DTWD2: variants seen among roughly 807,000 people sequenced by gnomAD.
DTWD2 encodes tRNA-uridine aminocarboxypropyltransferase 2.
In DTWD2, 39 loss-of-function variants were observed where a neutral mutation model predicts 31.8. The ratio of observed to expected loss-of-function variants is 1.22; its 90% CI spans 0.95 to 1.60. The LOEUF is 1.60. DTWD2 is among the 40% of genes most tolerant of loss of function. DTWD2 has a pLI of 0.00. For synonymous variants in DTWD2, 180 were observed against 142.8 expected (o/e 1.26, Z -1.86); for missense variants, 515 against 381.5 (o/e 1.35, Z -2.92).
intron 4 of DTWD2, among the ~76,000 whole-genome samples, chr5:118,925,129 C>G (rs1753781714): frequency 6.6e-6 from 1 of 152,154 alleles, no homozygotes. Flanking sequence ...TTATTCTTCA[C>G]TAAGTGTATG....
At chr5:118,863,818 A>G (rs1161775542) in intron 4 of DTWD2, among the ~76,000 whole-genome samples, 1 of 152,106 alleles carries the variant, frequency 6.6e-6, no homozygotes, top group Non-Finnish European at 1.5e-5. Flanking sequence ...AGTATATATA[A>G]TAGTTCCTGT....
intron 4 of DTWD2, among the ~76,000 whole-genome samples, chr5:118,875,853 G>A (rs866299873): frequency 6.6e-6 from 1 of 152,172 alleles, no homozygotes; most frequent in South Asian, 2.1e-4. Flanking sequence ...GCACTGGATC[G>A]AACGGACCCA....
At chr5:118,924,709 G>C (rs1191815352) in intron 4 of DTWD2, among the ~76,000 whole-genome samples, 3 of 152,104 alleles carry the variant, frequency 2.0e-5, no homozygotes, top group African/African-American at 7.2e-5. Context: ...CACTACAATT[G>C]CCACTATCAT....
At chr5:118,936,726 A>C (rs1401331150) in intron 3 of DTWD2, among the ~76,000 whole-genome samples, 1 of 152,088 alleles carries the variant, frequency 6.6e-6, no homozygotes, top group African/African-American at 2.4e-5. Context: ...AAAAAGAAAA[A>C]AGAGAAATTA....
chr5:118,866,348 G>A (rs1401255836), intron 4 of DTWD2, among the ~76,000 whole-genome samples: 1 of 152,006 alleles, frequency 6.6e-6, no homozygotes, highest in African/African-American at 2.4e-5. Flanking sequence ...TCTACAGACA[G>A]CATACTAGTG....
chr5:118,861,658 T>C lies in DTWD2; in HGVS notation c.598-13440A>G, dbSNP rs555078632. ...ATAAACATTTATTGAGTACCAACTA[T>C]GTGCCTGGTACCTAGAAAAGAGACT... On this transcript the variant is annotated intron_variant, in intron 4 of 5. Coordinates refer to ENST00000510708, the MANE Select transcript of DTWD2 (RefSeq NM_173666.4). Among the ~76,000 whole-genome samples the C allele has an allele frequency of 2.0e-5, 3 of 152,308 alleles. No individual in the cohort carries two copies. The East Asian group carries it at 5.8e-4, about 29-fold the overall frequency.
chr5:118,872,951 GA>G (rs1196616368), intron 4 of DTWD2, among the ~76,000 whole-genome samples: 4 of 152,150 alleles, frequency 2.6e-5, no homozygotes, highest in African/African-American at 9.7e-5. Context: ...ATGGAGGGAA[GA>G]CACAGAAGCT....
At chr5:118,962,744 T>G (rs1476235127) in intron 1 of DTWD2, among the ~76,000 whole-genome samples, 1 of 152,236 alleles carries the variant, frequency 6.6e-6, no homozygotes, top group African/African-American at 2.4e-5. Flanking sequence ...GCTAAATACT[T>G]TAATTCTCAC....
At chr5:118,880,950 G>C (rs1469201100) in intron 4 of DTWD2, among the ~76,000 whole-genome samples, 8 of 152,102 alleles carry the variant, frequency 5.3e-5, no homozygotes, top group Non-Finnish European at 1.0e-4. Flanking sequence ...AAGCTCTAAT[G>C]CTATCAGCAA....
intron 1 of DTWD2, among the ~76,000 whole-genome samples, chr5:118,960,024 T>C (rs1754672423): frequency 6.6e-6 from 1 of 152,094 alleles, no homozygotes; most frequent in Non-Finnish European, 1.5e-5. Flanking sequence ...CACTATAGAC[T>C]AGGCACTGGC....
At chr5:118,937,578 A>G (rs749644531) in intron 3 of DTWD2, among the ~76,000 whole-genome samples, 6 of 152,158 alleles carry the variant, frequency 3.9e-5, no homozygotes, top group Non-Finnish European at 8.8e-5. Flanking sequence ...CCAAAACCCA[A>G]CACATCACAT....
intron 4 of DTWD2, among the ~76,000 whole-genome samples, chr5:118,890,363 A>AT (rs1752951268): frequency 1.3e-5 from 2 of 152,272 alleles, no homozygotes; most frequent in South Asian, 2.1e-4. Flanking sequence ...AGGTTCTTAG[A>AT]TTTTAAATTA....
chr5:118,879,659 T>C (rs1325466729), intron 4 of DTWD2, among the ~76,000 whole-genome samples: 4 of 148,326 alleles, frequency 2.7e-5, no homozygotes, highest in African/African-American at 1.0e-4. Context: ...TGCAGGGACA[T>C]GGATGGAGCT....
At chr5:118,911,413 G>A (rs1412255731) in intron 4 of DTWD2, among the ~76,000 whole-genome samples, 3 of 152,170 alleles carry the variant, frequency 2.0e-5, no homozygotes, top group African/African-American at 7.2e-5. Context: ...TGGTGGGAAA[G>A]TAAATTGGTA....
At chr5:118,864,548 A>G (rs1752341248) in intron 4 of DTWD2, among the ~76,000 whole-genome samples, 1 of 150,834 alleles carries the variant, frequency 6.6e-6, no homozygotes, top group South Asian at 2.1e-4. Context: ...AAAAAAAGAC[A>G]GAAGGCAGTT....
chr5:118,858,743 T>TA (rs1561429167), intron 4 of DTWD2, among the ~76,000 whole-genome samples: 1 of 152,140 alleles, frequency 6.6e-6, no homozygotes, highest in East Asian at 1.9e-4. Context: ...TTTAAAATCA[T>TA]TACCACACTT....
chr5:118,983,734 C>T (rs1278206443), intron 1 of DTWD2, among the ~76,000 whole-genome samples: 6 of 152,212 alleles, frequency 3.9e-5, no homozygotes, highest in Non-Finnish European at 8.8e-5. Flanking sequence ...AAAATCTTAA[C>T]GCTTCTTCAG....
At chr5:118,876,929 G>A (rs1022126570) in intron 4 of DTWD2, among the ~76,000 whole-genome samples, 1 of 152,136 alleles carries the variant, frequency 6.6e-6, no homozygotes, top group African/African-American at 2.4e-5. Flanking sequence ...AATAAAAAAA[G>A]AAAACTACAG....
At chr5:118,871,666 T>C (rs1292799867) in intron 4 of DTWD2, among the ~76,000 whole-genome samples, 2 of 152,180 alleles carry the variant, frequency 1.3e-5, no homozygotes, top group African/African-American at 2.4e-5. Context: ...CAATAATCCA[T>C]GCTGTAAACA....
Sources: gnomAD v4.1 joint callset for allele counts (sites outside exome capture counted in the v4.1 genomes callset) on GRCh38, gnomAD v4.1.1 for gene constraint, MANE v1.5 for transcripts, NCBI Gene and HGNC (gene_info 2026-07-23, HGNC 2026-07-21) for gene names.